FRMD4A: variants seen among roughly 807,000 people sequenced by gnomAD.
The protein encoded by FRMD4A is FERM domain containing 4A.
FRMD4A carries 29 observed loss-of-function variants against 129.1 expected under a neutral mutation model. The ratio of observed to expected loss-of-function variants is 0.22; its 90% CI spans 0.17 to 0.31. The LOEUF (loss-of-function observed/expected upper bound fraction) is 0.31, where lower values mean the gene tolerates loss of function less well. FRMD4A is among the 10% of genes least tolerant of loss of function. The pLI, the probability that FRMD4A is intolerant of heterozygous loss-of-function variation, is 1.00. For missense variants in FRMD4A, 1,272 were observed against 1,375.8 expected, an observed-to-expected ratio of 0.92 and a Z score of 1.19; for synonymous variants, 634 against 571.6, an observed-to-expected ratio of 1.11 and a Z score of -1.56.
chr10:14,180,796 C>A (rs534790819), intron 2 of FRMD4A, among the ~76,000 whole-genome samples: 2 of 152,312 alleles, frequency 1.3e-5, no homozygotes, highest in African/African-American at 2.4e-5. Flanking sequence ...CTCACCCATG[C>A]GCAGTGATGG....
intron 2 of FRMD4A, among the ~76,000 whole-genome samples, chr10:14,309,080 G>A (rs576527599): frequency 5.9e-5 from 9 of 152,220 alleles, no homozygotes; most frequent in Non-Finnish European, 1.2e-4. Flanking sequence ...AACCACAATC[G>A]GCTCACAGAT....
At chr10:13,774,695 C>T (rs2092553550) in intron 6 of FRMD4A, among the ~76,000 whole-genome samples, 1 of 152,164 alleles carries the variant, frequency 6.6e-6, no homozygotes, top group Non-Finnish European at 1.5e-5. Context: ...GGGGGACCAT[C>T]CCACCCTGAA....
At chr10:14,226,211 T>C (rs1021941922) in intron 2 of FRMD4A, among the ~76,000 whole-genome samples, 4 of 152,176 alleles carry the variant, frequency 2.6e-5, no homozygotes, top group Admixed American at 1.3e-4. Context: ...ACCTGTCAAC[T>C]CATCATCTAG....
intron 3 of FRMD4A, among the ~76,000 whole-genome samples, chr10:13,851,998 T>C (rs12779769): frequency 0.048 from 7,357 of 151,858 alleles, 230 homozygotes; most frequent in South Asian, 0.08. Flanking sequence ...TCCCACTGAT[T>C]TGACATTATG....
At chr10:13,711,397 C>T (rs1006723326) in intron 12 of FRMD4A, among the ~76,000 whole-genome samples, 19 of 152,364 alleles carry the variant, frequency 1.2e-4, no homozygotes, top group Admixed American at 9.1e-4. Context: ...GAGCTGGTTT[C>T]GGGGCAGCCC....
intron 2 of FRMD4A, among the ~76,000 whole-genome samples, chr10:14,243,678 C>T (rs569634069): frequency 2.0e-5 from 3 of 151,920 alleles, no homozygotes; most frequent in South Asian, 2.1e-4. Context: ...ACTTATTTAA[C>T]GGATACAGAG....
intron 2 of FRMD4A, among the ~76,000 whole-genome samples, chr10:14,020,666 ATT>A (rs573003993): frequency 1.4e-5 from 2 of 147,440 alleles, no homozygotes; most frequent in African/African-American, 4.9e-5. Context: ...GGCAGCCCCA[ATT>A]TTTTTTTTTG....
chr10:13,982,232 C>T (rs1473537327), intron 2 of FRMD4A, among the ~76,000 whole-genome samples: 1 of 151,924 alleles, frequency 6.6e-6, no homozygotes, highest in African/African-American at 2.4e-5. Context: ...GCCTGTAATC[C>T]CAGCACTTTG....
intron 2 of FRMD4A, among the ~76,000 whole-genome samples, chr10:14,258,007 T>G (rs1028804669): frequency 3.9e-5 from 6 of 152,084 alleles, no homozygotes; most frequent in Non-Finnish European, 5.9e-5. Flanking sequence ...GACACAAAGG[T>G]AAAACTTGAC....
chr10:13,747,929 G>C (rs2091371935), intron 8 of FRMD4A, 110 bp from the exon 9 acceptor site: 2 of 707,684 alleles, frequency 2.8e-6, no homozygotes, highest in Admixed American at 3.9e-5. Context: ...CTGCTTCCCT[G>C]TTAATAAAAA....
At chr10:14,020,929 C>T (rs1021722511) in intron 2 of FRMD4A, among the ~76,000 whole-genome samples, 3 of 152,142 alleles carry the variant, frequency 2.0e-5, no homozygotes, top group African/African-American at 7.2e-5. Flanking sequence ...TTTCTAGGGG[C>T]AAGGCAAGGG....
At chr10:14,280,247 C>A (rs1334144587) in intron 2 of FRMD4A, among the ~76,000 whole-genome samples, 1 of 152,158 alleles carries the variant, frequency 6.6e-6, no homozygotes, top group Non-Finnish European at 1.5e-5. Context: ...GGAAAAGCAT[C>A]TTGGTGATCC....
At chr10:14,054,490 C>T (rs1253256289) in intron 2 of FRMD4A, among the ~76,000 whole-genome samples, 5 of 152,198 alleles carry the variant, frequency 3.3e-5, no homozygotes, top group East Asian at 1.9e-4. Context: ...TTAGGTTCAA[C>T]GATACTCCAA....
chr10:14,043,509 T>C (rs574515680), intron 2 of FRMD4A, among the ~76,000 whole-genome samples: 1 of 152,262 alleles, frequency 6.6e-6, no homozygotes, highest in South Asian at 2.1e-4. Flanking sequence ...GCAGTTGAGG[T>C]ATTTGTCAAA....
intron 2 of FRMD4A, among the ~76,000 whole-genome samples, chr10:14,253,808 G>A (rs986374574): frequency 1.1e-4 from 17 of 152,194 alleles, no homozygotes; most frequent in Non-Finnish European, 2.2e-4. Flanking sequence ...ACGGGGTGAA[G>A]TGTTGAGTGG....
chr10:14,111,299 T>C (rs1015496152), intron 2 of FRMD4A, among the ~76,000 whole-genome samples: 4 of 152,158 alleles, frequency 2.6e-5, no homozygotes, highest in African/African-American at 9.7e-5. Flanking sequence ...ACAGGCAATA[T>C]TCTACCCTCG....
intron 2 of FRMD4A, among the ~76,000 whole-genome samples, chr10:14,043,948 T>G (rs1833884521): frequency 6.6e-6 from 1 of 152,188 alleles, no homozygotes; most frequent in South Asian, 2.1e-4. Context: ...TACTTCATTC[T>G]CCTGAATAGC....
intron 2 of FRMD4A, among the ~76,000 whole-genome samples, chr10:13,975,289 CAT>C (rs1401015055): frequency 5.4e-5 from 8 of 148,338 alleles, no homozygotes; most frequent in Admixed American, 3.4e-4. Context: ...ATATGTCTAT[CAT>C]ATGTTAATGT....
intron 2 of FRMD4A, among the ~76,000 whole-genome samples, chr10:14,194,453 T>C (rs962042896): frequency 1.2e-4 from 18 of 151,974 alleles, no homozygotes; most frequent in Non-Finnish European, 8.8e-5. Context: ...TACTAAAAAA[T>C]ACAAAAAATT....
Sources: gnomAD v4.1 joint callset for allele counts (sites outside exome capture counted in the v4.1 genomes callset) on GRCh38, gnomAD v4.1.1 for gene constraint, MANE v1.5 for transcripts, NCBI Gene and HGNC (gene_info 2026-07-23, HGNC 2026-07-21) for gene names.